ROBO1: variants seen among roughly 807,000 people sequenced by gnomAD.
ROBO1 encodes the protein roundabout guidance receptor 1, also known as roundabout homolog 1.
In ROBO1, 149 loss-of-function variants were observed where a neutral mutation model predicts 195.9. The ratio of observed to expected loss-of-function variants is 0.76; its 90% confidence interval spans 0.67 to 0.87. The LOEUF (loss-of-function observed/expected upper bound fraction) is 0.87. ROBO1 is among the 40% of genes least tolerant of loss of function. ROBO1 has a pLI of 0.00. For synonymous variants in ROBO1, 816 were observed against 733.2 expected (o/e 1.11, Z -1.82); for missense variants, 1,933 against 2,068.3 (o/e 0.93, Z 1.27).
intron 2 of ROBO1, among the ~76,000 whole-genome samples, chr3:79,509,662 C>T (rs76435259): frequency 0.011 from 1,604 of 152,078 alleles, 24 homozygotes; most frequent in Middle Eastern, 0.041. Flanking sequence ...AACATTACCC[C>T]GCACTTAACA....
intron 2 of ROBO1, among the ~76,000 whole-genome samples, chr3:79,346,010 ATG>A (rs965321670): frequency 6.6e-6 from 1 of 152,122 alleles, no homozygotes; most frequent in African/African-American, 2.4e-5. Context: ...CTGAGAGTCT[ATG>A]GAGGATAATT....
chr3:79,398,322 C>A (rs2037228687), intron 2 of ROBO1, among the ~76,000 whole-genome samples: 1 of 152,024 alleles, frequency 6.6e-6, no homozygotes, highest in Admixed American at 6.6e-5. Context: ...ACACTAAAAT[C>A]ATGTCGATTT....
intron 18 of ROBO1, among the ~76,000 whole-genome samples, chr3:78,654,050 AT>A (rs1034862365): frequency 2.5e-4 from 38 of 152,298 alleles, no homozygotes; most frequent in African/African-American, 8.7e-4. Flanking sequence ...CCAAAAATAC[AT>A]TTTTTTCCAT....
At chr3:79,577,424 G>A (rs1336589949) in intron 2 of ROBO1, among the ~76,000 whole-genome samples, 1 of 152,082 alleles carries the variant, frequency 6.6e-6, no homozygotes, top group African/African-American at 2.4e-5. Context: ...CCAAAAGCAT[G>A]ATCCATGAAA....
chr3:79,484,753 A>ATGTTTTTTTTTTTTTTTTTTT (rs1402757273), intron 2 of ROBO1, among the ~76,000 whole-genome samples: 1 of 17,700 alleles, frequency 5.6e-5, no homozygotes, highest in Non-Finnish European at 1.0e-4. Context: ...TCATTGCACT[A>ATGTTTTTTTTTTTTTTTTTTT]TCTTTTTTTT....
At chr3:79,062,561 C>A (rs566785333) in intron 3 of ROBO1, among the ~76,000 whole-genome samples, 2 of 152,048 alleles carry the variant, frequency 1.3e-5, no homozygotes, top group East Asian at 1.9e-4. Context: ...ATGTTTATTG[C>A]GGCATTATTC....
chr3:78,774,923 C>T (rs1241473288), intron 4 of ROBO1, among the ~76,000 whole-genome samples: 1 of 152,184 alleles, frequency 6.6e-6, no homozygotes, highest in Non-Finnish European at 1.5e-5. Context: ...TCAATATCCA[C>T]TGGTAAATTC....
At chr3:78,715,609 G>A (rs2108060633) in intron 7 of ROBO1, among the ~76,000 whole-genome samples, 1 of 152,282 alleles carries the variant, frequency 6.6e-6, no homozygotes, top group African/African-American at 2.4e-5. Flanking sequence ...TCGGCTCACT[G>A]CAACCTCCGC....
chr3:78,963,623 A>G (rs1009433190), intron 3 of ROBO1, among the ~76,000 whole-genome samples: 3 of 139,478 alleles, frequency 2.2e-5, no homozygotes, highest in African/African-American at 8.0e-5. Flanking sequence ...GGTTCACGCC[A>G]TTCTCCTGCC....
intron 1 of ROBO1, among the ~76,000 whole-genome samples, chr3:79,609,738 A>G (rs867342932): frequency 2.0e-5 from 3 of 152,012 alleles, no homozygotes; most frequent in East Asian, 1.9e-4. Context: ...GCTACGTGCC[A>G]TAAGTTGGTC....
chr3:78,876,416 G>A (rs1193767711), intron 4 of ROBO1, among the ~76,000 whole-genome samples: 1 of 152,090 alleles, frequency 6.6e-6, no homozygotes, highest in African/African-American at 2.4e-5. Flanking sequence ...TATTGAGATT[G>A]TCGTATAGTC....
intron 3 of ROBO1, among the ~76,000 whole-genome samples, chr3:79,090,149 A>T (rs1175940653): frequency 1.3e-5 from 2 of 152,006 alleles, no homozygotes; most frequent in African/African-American, 4.8e-5. Flanking sequence ...CATATTGGCC[A>T]GGCTGGTCTC....
intron 1 of ROBO1, among the ~76,000 whole-genome samples, chr3:79,601,698 C>T (rs1944344407): frequency 6.6e-6 from 1 of 151,906 alleles, no homozygotes; most frequent in African/African-American, 2.4e-5. Context: ...GGCAAGAAAT[C>T]ATGGTAGATT....
At chr3:78,888,422 C>T (rs113411997) in intron 4 of ROBO1, among the ~76,000 whole-genome samples, 16 of 152,166 alleles carry the variant, frequency 1.1e-4, no homozygotes, top group African/African-American at 3.9e-4. Flanking sequence ...AAAGCTACTG[C>T]TAGTCTTCTG....
rs574119686 is a variant in ROBO1 at position 78,600,109 on chromosome 3, A to C, written c.4941+4T>G. On this transcript the variant is annotated splice_donor_region_variant and intron_variant, in intron 30 of 30. Transcript: ENST00000464233. ...TGGTAAACTTGGGGAAAAATTATAG[A>C]TACCTCTAATTCTTCATTATTATCT... The C allele has an allele frequency of 7.5e-6, 12 of 1,601,604 alleles. No homozygotes were observed. In the South Asian group the frequency reaches 9.9e-5, roughly 13 times the overall value.
At chr3:78,883,581 A>T (rs923166721) in intron 4 of ROBO1, among the ~76,000 whole-genome samples, 1 of 152,046 alleles carries the variant, frequency 6.6e-6, no homozygotes, top group South Asian at 2.1e-4. Context: ...CAGGGTCTCA[A>T]ACTCCTGGCC....
At chr3:79,012,245 T>C (rs577724913) in intron 3 of ROBO1, among the ~76,000 whole-genome samples, 2 of 152,356 alleles carry the variant, frequency 1.3e-5, no homozygotes, top group Admixed American at 1.3e-4. Flanking sequence ...GACTATTTCC[T>C]ATATGCTGCA....
At chr3:79,220,994 C>T (rs1016207097) in intron 2 of ROBO1, among the ~76,000 whole-genome samples, 4 of 151,838 alleles carry the variant, frequency 2.6e-5, no homozygotes, top group African/African-American at 9.7e-5. Flanking sequence ...GTAGTGACAA[C>T]CAAATACGCA....
chr3:79,640,294 T>G (rs1030367138), intron 1 of ROBO1, among the ~76,000 whole-genome samples: 4 of 152,190 alleles, frequency 2.6e-5, no homozygotes, highest in African/African-American at 2.4e-5. Flanking sequence ...CTTAAAATAT[T>G]AAATTTTAAT....
Sources: allele counts gnomAD v4.1 joint callset (sites outside exome capture counted in the v4.1 genomes callset), GRCh38; gene constraint gnomAD v4.1.1; transcripts MANE v1.5; gene names NCBI Gene and HGNC (gene_info 2026-07-23, HGNC 2026-07-21).